NRG3: variants seen among roughly 807,000 people sequenced by gnomAD.
The protein encoded by NRG3 is pro-neuregulin-3, membrane-bound isoform.
In NRG3, 31 loss-of-function variants were observed where a neutral mutation model predicts 66.9. The observed-to-expected ratio is 0.46, with a 90% CI of 0.35 to 0.63. NRG3 has a LOEUF of 0.63. Ranked by LOEUF, NRG3 falls within the 20% of genes least tolerant of loss-of-function variation. NRG3 has a pLI of 0.00. For missense variants in NRG3, 910 were observed against 878.9 expected (o/e 1.04, Z -0.45); for synonymous variants, 393 against 359.4 (o/e 1.09, Z -1.06).
intron 4 of NRG3, among the ~76,000 whole-genome samples, chr10:82,912,748 G>GT (rs1367787000): frequency 2.0e-5 from 3 of 151,782 alleles, no homozygotes; most frequent in Non-Finnish European, 2.9e-5. Flanking sequence ...CTTCCATTTT[G>GT]TTTTTTCATT....
chr10:82,152,707 T>C (rs1365626470), intron 1 of NRG3, among the ~76,000 whole-genome samples: 1 of 5,406 alleles, frequency 1.8e-4, no homozygotes, highest in Non-Finnish European at 2.9e-4. Flanking sequence ...AAATGCCATA[T>C]ATGGAAAATG....
At chr10:82,660,985 T>C (rs1238352586) in intron 2 of NRG3, among the ~76,000 whole-genome samples, 1 of 152,218 alleles carries the variant, frequency 6.6e-6, no homozygotes, top group Non-Finnish European at 1.5e-5. Flanking sequence ...ATGGATTTAC[T>C]GTTAATATGT....
Position 81,875,605 on chromosome 10 carries a change from A to G in NRG3, c.265A>G (p.Ile89Val). Reference sequence around the variant, plus strand: ...GCTCAGCCTCATGCTTCTCAAATGGATCGTGGTGGGCTCCGTCAAGGAGTA... The same window carrying G: ...GCTCAGCCTCATGCTTCTCAAATGGGTCGTGGTGGGCTCCGTCAAGGAGTA... ...LGLSLMLLKW[I>V]VVGSVKEYVP... Residue 89 changes from isoleucine to valine, a missense_variant, in exon 1 of 9, where the codon ATC (isoleucine) becomes GTC (valine). Physicochemically the swap from Ile to Val is conservative, Grantham distance 29. Transcript: ENST00000372141. This position sits in a 1 kb window ranked among gnomAD's most constrained non-coding sequence, Gnocchi z 5.3. 6.2e-7 allele frequency: 1 copy of G among 1,613,570 alleles called. No homozygotes were observed. The highest frequency in any genetic ancestry group is 8.5e-7 in the Non-Finnish European group (1 of 1,179,886).
intron 1 of NRG3, among the ~76,000 whole-genome samples, chr10:82,344,675 C>A: frequency 8.0e-6 from 1 of 125,638 alleles, no homozygotes; most frequent in African/African-American, 4.4e-5. Flanking sequence ...TTTACAGTCC[C>A]ACCAACAGTG....
intron 1 of NRG3, among the ~76,000 whole-genome samples, chr10:82,281,734 G>A (rs1216038314): frequency 6.6e-6 from 1 of 152,118 alleles, no homozygotes; most frequent in Non-Finnish European, 1.5e-5. Flanking sequence ...ATCAAGGGAG[G>A]GCAGAGGAAG....
At chr10:82,860,384 T>A (rs1052101149) in intron 3 of NRG3, among the ~76,000 whole-genome samples, 1 of 152,234 alleles carries the variant, frequency 6.6e-6, no homozygotes, top group Non-Finnish European at 1.5e-5. Context: ...CATTACTTGA[T>A]AATTTTGTAA....
intron 4 of NRG3, among the ~76,000 whole-genome samples, chr10:82,929,553 C>T (rs17101100): frequency 0.012 from 1,862 of 152,250 alleles, 24 homozygotes; most frequent in African/African-American, 0.037. Flanking sequence ...TCCTTGGTGA[C>T]TGATGGTTTC....
At chr10:82,350,896 CTT>C (rs34056865) in intron 1 of NRG3, among the ~76,000 whole-genome samples, 91 of 144,298 alleles carry the variant, frequency 6.3e-4, no homozygotes, top group East Asian at 1.2e-3. Flanking sequence ...GTTAACTCTT[CTT>C]TTTTTTTTTT....
chr10:82,804,979 G>A (rs2061218764), intron 3 of NRG3, among the ~76,000 whole-genome samples: 1 of 152,204 alleles, frequency 6.6e-6, no homozygotes. Flanking sequence ...CTGGGGGTTA[G>A]AGCATCCCAA....
At chr10:82,295,423 G>A (rs185271368) in intron 1 of NRG3, among the ~76,000 whole-genome samples, 161 of 152,260 alleles carry the variant, frequency 1.1e-3, no homozygotes, top group African/African-American at 3.6e-3. Flanking sequence ...TATGACCTCG[G>A]TGGAGCCTGT....
intron 3 of NRG3, among the ~76,000 whole-genome samples, chr10:82,804,072 G>A (rs1437708373): frequency 6.6e-6 from 1 of 152,144 alleles, no homozygotes; most frequent in Non-Finnish European, 1.5e-5. Context: ...TCACTTATCA[G>A]ATCAACCATC....
chr10:81,892,753 T>G (rs1843150068), intron 1 of NRG3, among the ~76,000 whole-genome samples: 1 of 152,188 alleles, frequency 6.6e-6, no homozygotes, highest in Non-Finnish European at 1.5e-5. Context: ...TAGTATTTAC[T>G]AGCATAACAG....
intron 2 of NRG3, among the ~76,000 whole-genome samples, chr10:82,706,393 G>A (rs1186155769): frequency 6.6e-6 from 1 of 152,104 alleles, no homozygotes; most frequent in Non-Finnish European, 1.5e-5. Context: ...GTCTCCAGAT[G>A]GAGTAATTAT....
chr10:82,535,824 C>T (rs1234362334), intron 2 of NRG3, among the ~76,000 whole-genome samples: 2 of 151,930 alleles, frequency 1.3e-5, no homozygotes, highest in Non-Finnish European at 2.9e-5. Context: ...AAGTAATGGG[C>T]TAATGGGCTC....
At chr10:82,007,652 T>A (rs2061424208) in intron 1 of NRG3, among the ~76,000 whole-genome samples, 1 of 152,218 alleles carries the variant, frequency 6.6e-6, no homozygotes. Flanking sequence ...TAAATGTGGA[T>A]AAATTATATA....
intron 2 of NRG3, among the ~76,000 whole-genome samples, chr10:82,369,243 C>T (rs2084732849): frequency 7.2e-6 from 1 of 138,670 alleles, no homozygotes; most frequent in Admixed American, 6.8e-5. Context: ...TTTATTGTCC[C>T]AGTGGTTCAG....
intron 1 of NRG3, among the ~76,000 whole-genome samples, chr10:82,088,376 A>T (rs2065845160): frequency 6.6e-6 from 1 of 152,098 alleles, no homozygotes; most frequent in South Asian, 2.1e-4. Flanking sequence ...TAGTTTATTC[A>T]TATGTTCATA....
chr10:82,149,467 TC>T (rs2070528734), intron 1 of NRG3, among the ~76,000 whole-genome samples: 1 of 152,184 alleles, frequency 6.6e-6, no homozygotes, highest in Non-Finnish European at 1.5e-5. Flanking sequence ...GGACATTTTT[TC>T]ATGTGTTTTA....
intron 1 of NRG3, among the ~76,000 whole-genome samples, chr10:82,140,277 T>C (rs887227343): frequency 6.6e-6 from 1 of 152,158 alleles, no homozygotes; most frequent in African/African-American, 2.4e-5. Context: ...ACTTTTCATC[T>C]GGTTTTACAA....
Sources: gnomAD v4.1 joint callset for allele counts (sites outside exome capture counted in the v4.1 genomes callset) on GRCh38, gnomAD v4.1.1 for gene constraint, Gnocchi (gnomAD v3.1) non-coding constraint, MANE v1.5 for transcripts, NCBI Gene and HGNC (gene_info 2026-07-23, HGNC 2026-07-21) for gene names.